The following SYNPR variants were observed in gnomAD, a reference collection of about 807,000 sequenced individuals.
The protein encoded by SYNPR is synaptoporin.
Under a neutral mutation model 32.9 loss-of-function variants are expected in SYNPR, and 23 were observed. That is an observed-to-expected ratio of 0.70 (90% confidence interval 0.50 to 0.99). The LOEUF is 0.99. SYNPR is among the 50% of genes least tolerant of loss of function. SYNPR has a pLI of 0.00. For missense variants in SYNPR, 318 were observed against 349.3 expected (o/e 0.91, Z 0.71); for synonymous variants, 146 against 135.9 (o/e 1.07, Z -0.52).
intron 3 of SYNPR, among the ~76,000 whole-genome samples, chr3:63,517,711 A>T (rs1432088491): frequency 6.6e-6 from 1 of 152,124 alleles, no homozygotes; most frequent in Non-Finnish European, 1.5e-5. Flanking sequence ...TCTATTCTAG[A>T]TCAATACTAC....
intron 4 of SYNPR, among the ~76,000 whole-genome samples, chr3:63,560,814 C>A (rs57922010): frequency 5.3e-4 from 81 of 152,266 alleles, no homozygotes; most frequent in African/African-American, 1.7e-3. Context: ...GGGGGAACCA[C>A]CCCCATGATC....
chr3:63,533,741 T>C (rs1266123952), intron 3 of SYNPR, among the ~76,000 whole-genome samples: 1 of 152,160 alleles, frequency 6.6e-6, no homozygotes, highest in Non-Finnish European at 1.5e-5. Context: ...CAACCAGCCA[T>C]GCTATTCAGG....
intron 2 of SYNPR, among the ~76,000 whole-genome samples, chr3:63,290,239 T>A (rs1236915858): frequency 6.6e-6 from 1 of 152,206 alleles, no homozygotes; most frequent in Non-Finnish European, 1.5e-5. Flanking sequence ...GAGCCAGGAT[T>A]TGAACCCAGG....
At chr3:63,598,606 A>C (rs1273777950) in intron 4 of SYNPR, among the ~76,000 whole-genome samples, 1 of 152,186 alleles carries the variant, frequency 6.6e-6, no homozygotes, top group East Asian at 1.9e-4. Flanking sequence ...ATGGGCAAAT[A>C]AATCTCTTAA....
chr3:63,311,165 T>G (rs185546713), intron 2 of SYNPR, among the ~76,000 whole-genome samples: 66 of 152,096 alleles, frequency 4.3e-4, no homozygotes, highest in African/African-American at 1.5e-3. Flanking sequence ...TTAGCTATGA[T>G]TTTCCCTTTA....
At chr3:63,528,019 A>C (rs1702046742) in intron 3 of SYNPR, among the ~76,000 whole-genome samples, 1 of 151,882 alleles carries the variant, frequency 6.6e-6, no homozygotes, top group South Asian at 2.1e-4. Flanking sequence ...TGGTTCCAAA[A>C]CTCCTGCTGG....
intron 2 of SYNPR, among the ~76,000 whole-genome samples, chr3:63,294,767 C>A (rs1372567778): frequency 6.6e-6 from 1 of 152,054 alleles, no homozygotes; most frequent in Admixed American, 6.6e-5. Context: ...ATTTGCGTGT[C>A]TTATTTATAT....
chr3:63,564,918 T>G (rs907810874), intron 4 of SYNPR, among the ~76,000 whole-genome samples: 2 of 152,206 alleles, frequency 1.3e-5, no homozygotes, highest in African/African-American at 4.8e-5. Context: ...CCCACAGCTT[T>G]TCTTGTCCTT....
At chr3:63,510,441 G>A (rs1252225797) in intron 3 of SYNPR, among the ~76,000 whole-genome samples, 1 of 152,152 alleles carries the variant, frequency 6.6e-6, no homozygotes, top group Admixed American at 6.5e-5. Flanking sequence ...TTTAAAGGAG[G>A]TGACAGCATT....
intron 2 of SYNPR, among the ~76,000 whole-genome samples, chr3:63,403,506 C>T (rs185783236): frequency 1.1e-3 from 168 of 151,794 alleles, no homozygotes; most frequent in Middle Eastern, 3.4e-3. Context: ...ATATTTAATC[C>T]TCACAATAAC....
chr3:63,253,512 A>G (rs2086355606), intron 2 of SYNPR, among the ~76,000 whole-genome samples: 1 of 152,214 alleles, frequency 6.6e-6, no homozygotes, highest in Admixed American at 6.5e-5. Context: ...TATATATTGT[A>G]TTTGTTTAAA....
In SYNPR at chr3:63,610,591, G is replaced by T. The variant is rs186993061; in HGVS notation, c.600+1275G>T. On this transcript the variant is annotated intron_variant, in intron 5 of 5. Transcript: ENST00000478300. ...CCATGAAAATAAGCTCTGCATTAGG[G>T]TCTCACAATAATTTTTATTCATTGC... 9.1e-6 allele frequency: 6 copies of T among 660,628 alleles called. No individual in the cohort carries two copies. In the Admixed American group the frequency reaches 1.1e-4, roughly 12 times the overall value. 40.9% of individuals were successfully genotyped at this position (660,628 alleles called of 1,614,324 possible). A position where few individuals can be genotyped will look rare whatever the true frequency, so the allele number is the denominator to read the frequency against.
chr3:63,543,352 G>T (rs980391470), intron 3 of SYNPR, among the ~76,000 whole-genome samples: 3 of 152,036 alleles, frequency 2.0e-5, no homozygotes, highest in Non-Finnish European at 4.4e-5. Flanking sequence ...TAAATTACTT[G>T]TAAGACTTAT....
At chr3:63,246,208 A>G (rs1213664402) in intron 1 of SYNPR, among the ~76,000 whole-genome samples, 1 of 152,110 alleles carries the variant, frequency 6.6e-6, no homozygotes, top group South Asian at 2.1e-4. Context: ...AGGCACTGAC[A>G]TAATTAAATA....
intron 3 of SYNPR, among the ~76,000 whole-genome samples, chr3:63,484,635 G>A (rs1701110398): frequency 8.2e-6 from 1 of 121,978 alleles, no homozygotes; most frequent in Non-Finnish European, 1.8e-5. Flanking sequence ...CAAACACTGT[G>A]CTAGATACCT....
chr3:63,379,470 G>A (rs745620662), intron 2 of SYNPR, among the ~76,000 whole-genome samples: 2 of 150,788 alleles, frequency 1.3e-5, no homozygotes, highest in African/African-American at 2.5e-5. Context: ...CAGTTCTACT[G>A]GTTTTTGCTT....
In SYNPR at chr3:63,311,853, A is replaced by AT. The variant is rs2086967780; in HGVS notation, c.84+33113dup. On this transcript the variant is annotated intron_variant, in intron 2 of 5. Coordinates refer to ENST00000478300, the MANE Select transcript of SYNPR (RefSeq NM_001130003.2). Reference sequence around the variant, plus strand: ...TGTATTATTTTAAATTTAATACCCTATTGAACTCAGCAAAACATAGAGGAG... The same window carrying AT: ...TGTATTATTTTAAATTTAATACCCTATTTGAACTCAGCAAAACATAGAGGAG... 2.6e-5 allele frequency among the ~76,000 whole-genome samples: 4 copies of AT among 152,144 alleles called. No homozygotes were observed. The South Asian group carries it at 8.3e-4, about 32-fold the overall frequency.
At chr3:63,280,854 A>G (rs1306868278) in intron 2 of SYNPR, among the ~76,000 whole-genome samples, 1 of 152,184 alleles carries the variant, frequency 6.6e-6, no homozygotes, top group African/African-American at 2.4e-5. Flanking sequence ...CAGGATTCTA[A>G]GGCTCGAAGG....
At chr3:63,417,268 C>T (rs1460236298) in intron 2 of SYNPR, among the ~76,000 whole-genome samples, 1 of 152,246 alleles carries the variant, frequency 6.6e-6, no homozygotes, top group African/African-American at 2.4e-5. Flanking sequence ...CCAAAATGAT[C>T]TCCTCCTTTG....
Sources: allele counts gnomAD v4.1 joint callset (sites outside exome capture counted in the v4.1 genomes callset), GRCh38; gene constraint gnomAD v4.1.1; transcripts MANE v1.5; gene names NCBI Gene and HGNC (gene_info 2026-07-23, HGNC 2026-07-21).